The following BTBD3 variants were observed in gnomAD, a reference collection of about 807,000 sequenced individuals.
The protein encoded by BTBD3 is BTB domain containing 3, also known as BTB/POZ domain-containing protein 3.
BTBD3 carries 14 observed loss-of-function variants against 41.6 expected under a neutral mutation model. The observed-to-expected ratio is 0.34, with a 90% CI of 0.22 to 0.53. The LOEUF is 0.53. BTBD3 is among the 20% of genes least tolerant of loss of function. The pLI, the probability that BTBD3 is intolerant of heterozygous loss-of-function variation, is 0.95. For missense variants in BTBD3, 426 were observed against 654.7 expected, an observed-to-expected ratio of 0.65 and a Z score of 3.81; for synonymous variants, 249 against 233.7, an observed-to-expected ratio of 1.07 and a Z score of -0.60.
intron 1 of BTBD3, among the ~76,000 whole-genome samples, chr20:11,892,908 TG>T (rs2056764895): frequency 6.6e-6 from 1 of 152,226 alleles, no homozygotes; most frequent in South Asian, 2.1e-4. Flanking sequence ...TAAGTTGTTT[TG>T]TTCCTAGAAA....
At chr20:11,909,342 G>A (rs2056875933) in intron 1 of BTBD3, 1 of 151,632 alleles carries the variant, frequency 6.6e-6, no homozygotes, top group Non-Finnish European at 1.5e-5. Flanking sequence ...TTTACTGTGA[G>A]TTTTTGCCAG....
intron 1 of BTBD3, among the ~76,000 whole-genome samples, chr20:11,897,897 G>A (rs1600227356): frequency 6.6e-6 from 1 of 152,148 alleles, no homozygotes; most frequent in African/African-American, 2.4e-5. Context: ...GGTGGTTCAC[G>A]CCTGTAATCC....
intron 1 of BTBD3, among the ~76,000 whole-genome samples, chr20:11,912,432 A>G (rs1352664420): frequency 6.6e-6 from 1 of 152,202 alleles, no homozygotes; most frequent in African/African-American, 2.4e-5. Flanking sequence ...ATCACAGTGC[A>G]CAGCACAAAT....
intron 1 of BTBD3, among the ~76,000 whole-genome samples, chr20:11,895,453 A>G (rs781168333): frequency 6.6e-6 from 1 of 151,730 alleles, no homozygotes; most frequent in African/African-American, 2.4e-5. Context: ...GCTACTTTGG[A>G]TTGTTTACTG....
chr20:11,922,724 C>T lies in BTBD3; in HGVS notation c.627C>T (p.Ala209=). ...AAAAGTACATTGTCCCTCACCTTGCCAGAGCCTGTGTTAATTTCCTGGAGA... is the reference window on the plus strand; with the variant it reads ...AAAAGTACATTGTCCCTCACCTTGCTAGAGCCTGTGTTAATTTCCTGGAGA... ...AAKKYIVPHL[A]RACVNFLETS... Residue 209 remains alanine, a synonymous_variant, in exon 4 of 4, where the codon GCC becomes GCT. Coordinates refer to ENST00000378226, the MANE Select transcript of BTBD3 (RefSeq NM_014962.4). 6.2e-7 allele frequency: 1 copy of T among 1,614,234 alleles called. No homozygotes were observed. The highest frequency in any genetic ancestry group is 8.5e-7 in the Non-Finnish European group (1 of 1,180,042).
intron 1 of BTBD3, 199 bp downstream of exon 1, chr20:11,918,800 T>G (rs1416857813): frequency 1.3e-5 from 8 of 632,330 alleles, no homozygotes; most frequent in Non-Finnish European, 2.1e-5. Context: ...TTTTGCAAGC[T>G]GTAACATTCA....
intron 1 of BTBD3, among the ~76,000 whole-genome samples, chr20:11,907,065 T>C (rs1017544111): frequency 1.3e-5 from 2 of 152,200 alleles, no homozygotes; most frequent in African/African-American, 4.8e-5. Flanking sequence ...TGCCAGGCCA[T>C]GAGTTGAGGC....
In BTBD3 at chr20:11,923,051, C is replaced by T. The variant is rs2056984749; in HGVS notation, c.954C>T (p.Tyr318=). The T allele has an allele frequency of 6.2e-7, 1 of 1,614,074 alleles. No homozygotes were observed. Among genetic ancestry groups the T allele is most frequent in the Non-Finnish European group, 8.5e-7 (1 of 1,180,040 alleles). ...GCAAGGTTCTAGGAAAGGCACTTTA[C>T]TTGATCCGCATACCCACAATGGCCC... The part of the protein sequence containing the change: ...NKRKVLGKAL[Y]LIRIPTMALD... The change falls in exon 4 of 4, where the codon TAC becomes TAT. Residue 318 remains tyrosine (Y), a synonymous_variant. Transcript: ENST00000378226. The surrounding 1 kb of genome is among the most constrained non-coding windows in gnomAD (Gnocchi z 5.3).
At position 11,919,854 on chromosome 20, in the gene BTBD3, G is replaced by C; in HGVS notation, c.536+18G>C. The C allele has an allele frequency of 6.2e-7, 1 of 1,601,164 alleles. No homozygotes were observed. The highest frequency in any genetic ancestry group is 8.6e-7 in the Non-Finnish European group (1 of 1,168,152). ...ATGCTGAAGTAAGCATCATTCGTGTGTTTGGAAAGAGTTTGTTTATGCTGT... is the reference window on the plus strand; with the variant it reads ...ATGCTGAAGTAAGCATCATTCGTGTCTTTGGAAAGAGTTTGTTTATGCTGT... On this transcript the variant is annotated intron_variant, in intron 3 of 3. Transcript: ENST00000378226.
chr20:11,919,308 G>T lies in BTBD3; in HGVS notation c.417+132G>T, dbSNP rs895229815. 3.7e-6 allele frequency: 5 copies of T among 1,336,166 alleles called. No individual in the cohort carries two copies. In the East Asian group the frequency reaches 1.0e-4, roughly 27 times the overall value. The allele number at this position is 1,336,166 out of a possible 1,614,324, so 82.8% of individuals were successfully genotyped here. On this transcript the variant is annotated intron_variant, in intron 2 of 3. Coordinates refer to ENST00000378226, the MANE Select transcript of BTBD3 (RefSeq NM_014962.4). ...TGTTTCACTCGATTAGGGAGAGAGC[G>T]CACCCTCTCCAGAGGGCTTTGGCCA...
chr20:11,897,432 C>A (rs948914734), intron 1 of BTBD3, among the ~76,000 whole-genome samples: 1 of 124,784 alleles, frequency 8.0e-6, no homozygotes, highest in African/African-American at 3.1e-5. Flanking sequence ...TGGCAAATTA[C>A]TTTTGCACCA....
At chr20:11,920,302 C>T (rs2056958311) in intron 3 of BTBD3, among the ~76,000 whole-genome samples, 2 of 152,188 alleles carry the variant, frequency 1.3e-5, no homozygotes, top group African/African-American at 2.4e-5. Flanking sequence ...AAAAACTTAC[C>T]ATCTGTTGAA....
chr20:11,919,293 G>T, intron 2 of BTBD3, 117 bp downstream of exon 2: 1 of 1,341,734 alleles, frequency 7.5e-7, no homozygotes, highest in Non-Finnish European at 1.0e-6. Flanking sequence ...TGTTTCACTC[G>T]ATTAGGGAGA....
rs140980126 is a variant in BTBD3 at position 11,922,516 on chromosome 20, G to T, written c.537-118G>T. 1.3e-3 allele frequency: 1,011 copies of T among 784,962 alleles called. 4 individuals are homozygous for T. Among genetic ancestry groups the T allele is most frequent in the Middle Eastern group, 0.013 (39 of 3,072 alleles). 48.6% of individuals were successfully genotyped at this position (784,962 alleles called of 1,614,324 possible). A position where few individuals can be genotyped will look rare whatever the true frequency, so the allele number is the denominator to read the frequency against. On this transcript the variant is annotated intron_variant, in intron 3 of 3. Coordinates refer to ENST00000378226, the MANE Select transcript of BTBD3 (RefSeq NM_014962.4). ...GTTCCTTTACTCTGCAAATATGTTT[G>T]TATTAACTGTCACATAAGATGATGT... is the stretch of plus-strand genomic sequence containing the variant.
intron 1 of BTBD3, among the ~76,000 whole-genome samples, chr20:11,897,071 G>A (rs369922541): frequency 1.3e-5 from 2 of 151,962 alleles, no homozygotes; most frequent in East Asian, 1.9e-4. Context: ...CTTCTATACC[G>A]CTGGCCTTCT....
exon 1 of BTBD3, chr20:11,890,858 C>T: frequency 4.1e-6 from 4 of 985,222 alleles, no homozygotes; most frequent in Non-Finnish European, 4.8e-6. Context: ...GCCCGCCGGG[C>T]GCTGGATCTC....
intron 1 of BTBD3, chr20:11,909,274 C>CA (rs33927643): frequency 0.72 from 96,982 of 135,282 alleles, 34,135 homozygotes; most frequent in Non-Finnish European, 0.76. Flanking sequence ...AACCCCCTGT[C>CA]AAAAAAAAAA....
At chr20:11,918,811 A>C in intron 1 of BTBD3, 1 of 603,062 alleles carries the variant, frequency 1.7e-6, no homozygotes, top group Middle Eastern at 4.2e-4. Flanking sequence ...GTAACATTCA[A>C]GTGACAGGGT....
At chr20:11,900,594 T>C (rs1041612125) in intron 1 of BTBD3, among the ~76,000 whole-genome samples, 2 of 152,196 alleles carry the variant, frequency 1.3e-5, no homozygotes, top group Admixed American at 6.5e-5. Context: ...TATGATGTTG[T>C]ACTTTAGGTC....
Sources: allele counts gnomAD v4.1 joint callset (sites outside exome capture counted in the v4.1 genomes callset), GRCh38; gene constraint gnomAD v4.1.1; non-coding constraint Gnocchi (gnomAD v3.1); transcripts MANE v1.5; gene names NCBI Gene and HGNC (gene_info 2026-07-23, HGNC 2026-07-21).